PIBF1: variants seen among roughly 807,000 people sequenced by gnomAD.
The protein encoded by PIBF1 is progesterone-induced-blocking factor 1.
In PIBF1, 90 loss-of-function variants were observed where a neutral mutation model predicts 112.5. The observed-to-expected ratio is 0.80, with a 90% confidence interval of 0.67 to 0.95. The LOEUF is 0.95. Among genes scored for constraint, PIBF1 ranks in the 40% least tolerant of loss-of-function variants. The pLI is 0.00. For synonymous variants in PIBF1, 301 were observed against 288.6 expected, an observed-to-expected ratio of 1.04 and a Z score of -0.44; for missense variants, 915 against 852.3, an observed-to-expected ratio of 1.07 and a Z score of -0.92.
At chr13:72,912,198 G>A (rs1386579465) in intron 12 of PIBF1, among the ~76,000 whole-genome samples, 2 of 152,068 alleles carry the variant, frequency 1.3e-5, no homozygotes, top group Non-Finnish European at 2.9e-5. Flanking sequence ...CTGATTTTTG[G>A]ACTTACTACC....
At chr13:72,941,380 C>T (rs943189540) in intron 14 of PIBF1, among the ~76,000 whole-genome samples, 2 of 152,138 alleles carry the variant, frequency 1.3e-5, no homozygotes, top group Admixed American at 1.3e-4. Flanking sequence ...TTACTGCCAA[C>T]AGTAAGGCAG....
intron 5 of PIBF1, among the ~76,000 whole-genome samples, chr13:72,811,203 G>A (rs2035993560): frequency 1.3e-5 from 2 of 151,996 alleles, no homozygotes; most frequent in South Asian, 4.2e-4. Flanking sequence ...CTAATGTGGC[G>A]GGTTCATGGA....
intron 14 of PIBF1, among the ~76,000 whole-genome samples, chr13:72,958,916 C>T (rs2138885626): frequency 6.6e-6 from 1 of 152,188 alleles, no homozygotes; most frequent in Non-Finnish European, 1.5e-5. Flanking sequence ...AATCTGAGAC[C>T]CAACCCTGAG....
At chr13:72,927,373 G>A (rs963905849) in intron 13 of PIBF1, among the ~76,000 whole-genome samples, 2 of 152,114 alleles carry the variant, frequency 1.3e-5, no homozygotes, top group African/African-American at 4.8e-5. Context: ...GCCTAGTGGC[G>A]GGCACCTGTG....
chr13:72,913,414 G>A (rs964706227), intron 12 of PIBF1, among the ~76,000 whole-genome samples: 2 of 152,040 alleles, frequency 1.3e-5, no homozygotes, highest in Non-Finnish European at 2.9e-5. Context: ...TCTTTGAAAT[G>A]CATCAAAAAA....
chr13:72,902,671 GTAACT>G (rs1276032832), intron 11 of PIBF1, among the ~76,000 whole-genome samples: 1 of 152,224 alleles, frequency 6.6e-6, no homozygotes, highest in African/African-American at 2.4e-5. Flanking sequence ...AAAATTAGAA[GTAACT>G]TAAGTGTCCA....
intron 17 of PIBF1, among the ~76,000 whole-genome samples, chr13:73,010,229 GTTTTTT>G (rs35486011): frequency 3.2e-5 from 4 of 123,562 alleles, no homozygotes; most frequent in Non-Finnish European, 4.9e-5. Context: ...TTCTATGCTA[GTTTTTT>G]TTTTTTTTTT....
intron 14 of PIBF1, 152 bp from the exon 15 acceptor site, chr13:72,965,122 C>A: frequency 1.5e-6 from 1 of 655,132 alleles, no homozygotes; most frequent in Non-Finnish European, 2.6e-6. Context: ...TATATTGATT[C>A]ACTCTTAAAA....
chr13:72,800,038 G>A (rs907058153), intron 5 of PIBF1, among the ~76,000 whole-genome samples: 1 of 152,162 alleles, frequency 6.6e-6, no homozygotes, highest in Non-Finnish European at 1.5e-5. Context: ...TCATTAAACA[G>A]CTTTATTTAT....
chr13:72,783,691 C>G lies in PIBF1; in HGVS notation c.222C>G (p.Ile74Met). Residue 74 changes from isoleucine to methionine, a missense_variant, in exon 2 of 18, where the codon ATC (isoleucine) becomes ATG (methionine). By Grantham distance (10) the Ile-to-Met change is conservative. Coordinates refer to ENST00000326291, the MANE Select transcript of PIBF1 (RefSeq NM_006346.4). Reference sequence around the variant, plus strand: ...AGCTATCCCAGAAAACTATGATGATCGACAATTTGAAAGTGGATTATCTTA... The same window carrying G: ...AGCTATCCCAGAAAACTATGATGATGGACAATTTGAAAGTGGATTATCTTA... ...KIELSQKTMM[I>M]DNLKVDYLTK... 1 of 1,613,652 alleles carries G rather than the reference C, an allele frequency of 6.2e-7. No individual in the cohort carries two copies. The highest frequency in any genetic ancestry group is 8.5e-7 in the Non-Finnish European group (1 of 1,179,756).
At chr13:72,826,764 G>C (rs532054179) in intron 6 of PIBF1, among the ~76,000 whole-genome samples, 19 of 152,206 alleles carry the variant, frequency 1.2e-4, no homozygotes, top group African/African-American at 4.6e-4. Flanking sequence ...ATTATTTACT[G>C]TACTGGCTTA....
rs2035098636 is a variant in PIBF1, at chr13:72,794,621, C to T, written c.354-738C>T. On this transcript the variant is annotated intron_variant, in intron 3 of 17. Coordinates refer to ENST00000326291, the MANE Select transcript of PIBF1 (RefSeq NM_006346.4). ...TGATAGTGAATAAGTCTCACAAGAT[C>T]TGATGGTTTTATAAATGGGAGTTCC... 1.3e-5 allele frequency among the ~76,000 whole-genome samples: 2 copies of T among 152,134 alleles called. 1 individual carries two copies. The highest frequency in any genetic ancestry group is 4.1e-4 in the South Asian group (2 of 4,824).
At chr13:72,931,358 A>T (rs1474708827) in intron 14 of PIBF1, 91 bp downstream of exon 14, 1 of 860,716 alleles carries the variant, frequency 1.2e-6, no homozygotes, top group African/African-American at 1.7e-5. Context: ...TTTTAAAATA[A>T]GCTGTTTGCT....
chr13:72,858,273 A>C (rs561983104), intron 10 of PIBF1, among the ~76,000 whole-genome samples: 1 of 152,128 alleles, frequency 6.6e-6, no homozygotes, highest in Non-Finnish European at 1.5e-5. Context: ...TCTGGTCTCG[A>C]ATTCGTGACC....
chr13:72,792,617 C>T, intron 3 of PIBF1, 70 bp downstream of exon 3: 1 of 756,350 alleles, frequency 1.3e-6, no homozygotes, highest in Non-Finnish European at 2.1e-6. Flanking sequence ...ATTGCCTGTT[C>T]ATGTTTGTGA....
At position 72,783,433 on chromosome 13, in the gene PIBF1, T is replaced by C; in HGVS notation, c.-37T>C. 7.2e-7 allele frequency: 1 copy of C among 1,395,538 alleles called. No individual in the cohort carries two copies. Among genetic ancestry groups the C allele is most frequent in the East Asian group, 2.3e-5 (1 of 43,710 alleles). 86.4% of individuals were successfully genotyped at this position (1,395,538 alleles called of 1,614,324 possible). A position where few individuals can be genotyped will look rare whatever the true frequency, so the allele number is the denominator to read the frequency against. ...TTTTTTAACCTACAGAATATTAAAA[T>C]CAAATTAGAGAAGAAAACTGATCCA... On this transcript the variant is annotated 5_prime_UTR_variant, in exon 2 of 18. Coordinates refer to ENST00000326291, the MANE Select transcript of PIBF1 (RefSeq NM_006346.4).
chr13:72,857,377 G>T (rs527826348), intron 10 of PIBF1, among the ~76,000 whole-genome samples: 1 of 152,318 alleles, frequency 6.6e-6, no homozygotes, highest in African/African-American at 2.4e-5. Context: ...TGATAAACTT[G>T]ATTCCCTACA....
In PIBF1 at chr13:72,853,119, A is replaced by G. The variant is rs191501132; in HGVS notation, c.1224-938A>G. On this transcript the variant is annotated intron_variant, in intron 9 of 17. Transcript: ENST00000326291. ...TACTGTTGGTATTTTTTTTTTATTC[A>G]AAGTTTCATCTTGATTAAAAGGCAA... Among the ~76,000 whole-genome samples the G allele has an allele frequency of 4.0e-5, 6 of 151,422 alleles. No individual in the cohort carries two copies. The South Asian group carries it at 1.0e-3, about 26-fold the overall frequency.
At chr13:72,873,973 A>G (rs1182300910) in intron 10 of PIBF1, among the ~76,000 whole-genome samples, 2 of 152,208 alleles carry the variant, frequency 1.3e-5, no homozygotes, top group African/African-American at 4.8e-5. Context: ...AATACAGATG[A>G]CCAATAAGCA....
Sources: allele counts gnomAD v4.1 joint callset (sites outside exome capture counted in the v4.1 genomes callset), GRCh38; gene constraint gnomAD v4.1.1; transcripts MANE v1.5; gene names NCBI Gene and HGNC (gene_info 2026-07-23, HGNC 2026-07-21).